Variants in ARHGEF28 observed in about 807,000 individuals in gnomAD.
The protein encoded by ARHGEF28 is 190 kDa guanine nucleotide exchange factor.
In ARHGEF28, 152 loss-of-function variants were observed where a neutral mutation model predicts 206.6. The ratio of observed to expected loss-of-function variants is 0.74; its 90% CI spans 0.64 to 0.84. ARHGEF28 has a LOEUF of 0.84. Among genes scored for constraint, ARHGEF28 ranks in the 40% least tolerant of loss-of-function variants. ARHGEF28 has a pLI of 0.00. For missense variants in ARHGEF28, 2,028 were observed against 2,073.2 expected (o/e 0.98, Z 0.42); for synonymous variants, 763 against 776.4 (o/e 0.98, Z 0.29).
chr5:73,748,098 G>A (rs1413021096), intron 2 of ARHGEF28, among the ~76,000 whole-genome samples: 1 of 152,146 alleles, frequency 6.6e-6, no homozygotes, highest in East Asian at 1.9e-4. Context: ...TTAGAAACCA[G>A]GAACATGACT....
Position 73,891,311 on chromosome 5 carries a change from G to T in ARHGEF28, c.3388-741G>T, listed in dbSNP as rs549868062. ...TAGTCACTTTTATAGTCCATGGGCT[G>T]GGCTTCTGAGTTTCTGGGCTTCTGT... On this transcript the variant is annotated intron_variant, in intron 26 of 35. Transcript: ENST00000513042. Among the ~76,000 whole-genome samples the T allele has an allele frequency of 2.7e-4, 41 of 152,052 alleles. 1 individual carries two copies. The highest frequency in any genetic ancestry group is 5.4e-4 in the Non-Finnish European group (37 of 68,004).
intron 16 of ARHGEF28, among the ~76,000 whole-genome samples, chr5:73,859,069 ATCTCCCAGTGCCTGGC>A (rs549948692): frequency 5.1e-4 from 78 of 152,096 alleles, no homozygotes; most frequent in Admixed American, 4.7e-3. Context: ...GCCTTTCCTG[ATCTCCCAGTGCCTGGC>A]TCATCCTTGC....
chr5:73,771,916 T>C lies in ARHGEF28; in HGVS notation c.476-1939T>C, dbSNP rs574545736. Among the ~76,000 whole-genome samples, 6 of 152,310 alleles carry C rather than the reference T, an allele frequency of 3.9e-5. No homozygotes were observed. The East Asian group carries it at 1.2e-3, about 29-fold the overall frequency. Reference sequence around the variant, plus strand: ...AAACAAATGTCTGGCAGGAGTGTATTGCCTTGTCTGTTTTTAGATATTTTG... The same window carrying C: ...AAACAAATGTCTGGCAGGAGTGTATCGCCTTGTCTGTTTTTAGATATTTTG... On this transcript the variant is annotated intron_variant, in intron 4 of 35. Coordinates refer to ENST00000513042, the MANE Select transcript of ARHGEF28 (RefSeq NM_001177693.2).
chr5:73,655,907 G>A (rs1580447164), intron 1 of ARHGEF28, among the ~76,000 whole-genome samples: 2 of 152,292 alleles, frequency 1.3e-5, no homozygotes, highest in East Asian at 3.9e-4. Flanking sequence ...CTCACAAAAT[G>A]GTTGATGTGG....
rs58880911 is a variant in ARHGEF28 at position 73,836,303 on chromosome 5, C to CTT, written c.1146+3860_1146+3861dup. The stretch of plus-strand genomic sequence containing the variant: ...TCCCCTTTCTCCACATCCTTGTCAG[C>CTT]TTTTTTTTTTTTTTTTTGTCTTTTT... On this transcript the variant is annotated intron_variant, in intron 10 of 35. Transcript: ENST00000513042. 6.5e-4 allele frequency among the ~76,000 whole-genome samples: 82 copies of CTT among 126,300 alleles called. 1 individual carries two copies. Among genetic ancestry groups the CTT allele is most frequent in the African/African-American group, 2.3e-3 (77 of 34,106 alleles). 82.9% of individuals were successfully genotyped at this position (126,300 alleles called of 152,430 possible).
At chr5:73,707,520 A>G (rs1358915833) in intron 2 of ARHGEF28, among the ~76,000 whole-genome samples, 1 of 152,216 alleles carries the variant, frequency 6.6e-6, no homozygotes. Context: ...ATGGTCTTTT[A>G]GTACTGAATC....
At chr5:73,849,488 T>G (rs1009848179) in intron 13 of ARHGEF28, among the ~76,000 whole-genome samples, 5 of 152,114 alleles carry the variant, frequency 3.3e-5, no homozygotes, top group Non-Finnish European at 5.9e-5. Flanking sequence ...GCCAGAGTGT[T>G]GCAGAATGGA....
rs369260973 is a variant in ARHGEF28 at position 73,888,236 on chromosome 5, T to G, written c.3387+557T>G. Reference sequence around the variant, plus strand: ...CCTGATGCCTAATGTTGACAGAAGATTCTTTCTTATTTTTACTATAGTAGC... The same window carrying G: ...CCTGATGCCTAATGTTGACAGAAGAGTCTTTCTTATTTTTACTATAGTAGC... On this transcript the variant is annotated intron_variant, in intron 26 of 35. Coordinates refer to ENST00000513042, the MANE Select transcript of ARHGEF28 (RefSeq NM_001177693.2). Among the ~76,000 whole-genome samples the G allele has an allele frequency of 6.6e-5, 10 of 152,348 alleles. No homozygotes were observed. In the East Asian group the frequency reaches 1.7e-3, roughly 26 times the overall value.
At chr5:73,915,101 G>A (rs1020261428) in intron 35 of ARHGEF28, among the ~76,000 whole-genome samples, 4 of 152,066 alleles carry the variant, frequency 2.6e-5, no homozygotes, top group African/African-American at 9.7e-5. Flanking sequence ...CTTTTGTAAT[G>A]CCTAGTGGGA....
At chr5:73,855,319 A>G (rs1758950217) in intron 14 of ARHGEF28, among the ~76,000 whole-genome samples, 1 of 152,162 alleles carries the variant, frequency 6.6e-6, no homozygotes, top group Admixed American at 6.5e-5. Flanking sequence ...TGATATTCAC[A>G]TTTCTACCAG....
chr5:73,682,961 G>T (rs1053504407), intron 1 of ARHGEF28, among the ~76,000 whole-genome samples: 2 of 152,072 alleles, frequency 1.3e-5, no homozygotes, highest in African/African-American at 4.8e-5. Context: ...GAATTCTCTT[G>T]CAGCCTGCTC....
intron 9 of ARHGEF28, among the ~76,000 whole-genome samples, chr5:73,812,672 C>T (rs1755914456): frequency 6.6e-6 from 1 of 152,070 alleles, no homozygotes. Context: ...GAGAATTGTT[C>T]AGGGAGACGG....
intron 1 of ARHGEF28, among the ~76,000 whole-genome samples, chr5:73,683,279 A>G (rs914966615): frequency 2.6e-5 from 4 of 152,148 alleles, no homozygotes; most frequent in Admixed American, 2.6e-4. Context: ...CTGTGAGACC[A>G]TTACCGTTGT....
At position 73,845,849 on chromosome 5, in the gene ARHGEF28, G is replaced by A. The variant is rs538132674; in HGVS notation, c.1428-419G>A. ...CAAAAATCACAAAAATTGGCCGGGC[G>A]TGGTGGCGCACGCCTGTAGTCCCAG... is the stretch of plus-strand genomic sequence containing the variant. On this transcript the variant is annotated intron_variant, in intron 11 of 35. Transcript: ENST00000513042. 5.9e-5 allele frequency among the ~76,000 whole-genome samples: 9 copies of A among 151,984 alleles called. No homozygotes were observed. In the South Asian group the frequency reaches 8.3e-4, roughly 14 times the overall value.
rs924165348 is a variant in ARHGEF28 at position 73,703,703 on chromosome 5, G to A, written c.33+18819G>A. On this transcript the variant is annotated intron_variant, in intron 2 of 35. Coordinates refer to ENST00000513042, the MANE Select transcript of ARHGEF28 (RefSeq NM_001177693.2). ...GAGTTTTGTCTATCTTCGTATAGAA[G>A]TATAAACTCCACTCTTTTTTACAAG... Among the ~76,000 whole-genome samples the A allele has an allele frequency of 2.6e-5, 4 of 151,398 alleles. No individual in the cohort carries two copies. The South Asian group carries it at 8.3e-4, about 31-fold the overall frequency.
At chr5:73,672,101 A>G (rs1746385181) in intron 1 of ARHGEF28, among the ~76,000 whole-genome samples, 1 of 152,192 alleles carries the variant, frequency 6.6e-6, no homozygotes, top group African/African-American at 2.4e-5. Flanking sequence ...GTTGTTGAAA[A>G]TTCTGGCTAA....
At chr5:73,920,330 A>G (rs1388215600) in intron 35 of ARHGEF28, among the ~76,000 whole-genome samples, 2 of 152,226 alleles carry the variant, frequency 1.3e-5, no homozygotes, top group African/African-American at 4.8e-5. Flanking sequence ...AAAAAATTAC[A>G]AACTTTTCTT....
At chr5:73,850,328 T>G (rs1392978291) in intron 13 of ARHGEF28, among the ~76,000 whole-genome samples, 2 of 152,098 alleles carry the variant, frequency 1.3e-5, no homozygotes, top group Non-Finnish European at 2.9e-5. Flanking sequence ...TTTTTATTTT[T>G]GGATGGGGAG....
intron 35 of ARHGEF28, among the ~76,000 whole-genome samples, chr5:73,915,563 A>G (rs1763163309): frequency 6.6e-6 from 1 of 152,204 alleles, no homozygotes; most frequent in African/African-American, 2.4e-5. Flanking sequence ...TCCTTAAACA[A>G]TAGTCTCTGT....
Sources: allele counts gnomAD v4.1 joint callset (sites outside exome capture counted in the v4.1 genomes callset), GRCh38; gene constraint gnomAD v4.1.1; transcripts MANE v1.5; gene names NCBI Gene and HGNC (gene_info 2026-07-23, HGNC 2026-07-21).